OR2A4: variants seen among roughly 807,000 people sequenced by gnomAD.
OR2A4 encodes the protein olfactory receptor 2A4.
For synonymous variants in OR2A4, 71 were observed against 126.7 expected, an observed-to-expected ratio of 0.56 and a Z score of 2.95; for missense variants, 152 against 313.2, an observed-to-expected ratio of 0.49 and a Z score of 3.88.
Position 131,701,249 on chromosome 6 carries a change from G to A in OR2A4, c.153C>T (p.Asp51=). Residue 51 remains aspartate, a synonymous_variant, in exon 1 of 1, where the codon GAC becomes GAT. Transcript: ENST00000315453. ...AGTACATGGGGGCGTGCAGTCTGGA[G>A]TCCAGTGAGATGAGCCCCAGTATGG... ...NGTILGLISL[D]SRLHAPMYFF... is the part of the protein sequence containing the mutation. 20 of 1,444,950 alleles carry A rather than the reference G, an allele frequency of 1.4e-5. No homozygotes were observed. The highest frequency in any genetic ancestry group is 1.9e-5 in the Non-Finnish European group (20 of 1,051,966). The allele number at this position is 1,444,950 out of a possible 1,614,324, so 89.5% of individuals were successfully genotyped here.
rs779149287 is a variant in OR2A4 at position 131,700,671 on chromosome 6, A to C, written c.731T>G (p.Leu244Arg). 1 of 1,559,422 alleles carries C rather than the reference A, an allele frequency of 6.4e-7. No homozygotes were observed. The highest frequency in any genetic ancestry group is 8.6e-7 in the Non-Finnish European group (1 of 1,166,178). Residue 244 changes from leucine to arginine, a missense_variant, in exon 1 of 1, where the codon CTC (leucine) becomes CGC (arginine). Leu to Arg is a moderately radical substitution (Grantham distance 102). Transcript: ENST00000315453. ...GCCATAAACGAGTCCAATCACACAGAGGTGGGAGAAGCAGGTGCGGAAGGC... is the reference window on the plus strand; with the variant it reads ...GCCATAAACGAGTCCAATCACACAGCGGTGGGAGAAGCAGGTGCGGAAGGC... ...RKAFRTCFSH[L>R]CVIGLVYGTA...
rs1227665821 is a variant in OR2A4 at position 131,701,278 on chromosome 6, C to T, written c.124G>A (p.Gly42Arg). Residue 42 changes from glycine (G) to arginine (R), a missense_variant, in exon 1 of 1, where the codon GGG (glycine) becomes AGG (arginine). By Grantham distance (125) the Gly-to-Arg change is moderately radical. Coordinates refer to ENST00000315453, the MANE Select transcript of OR2A4 (RefSeq NM_030908.2). ...LFYVFTLLGN[G>R]TILGLISLDS... is the part of the protein sequence containing the mutation. The stretch of plus-strand genomic sequence containing the variant: ...AGTGAGATGAGCCCCAGTATGGTCC[C>T]GTTCCCCAGCAGGGTGAAGACGTAG... The T allele has an allele frequency of 8.6e-6, 13 of 1,510,112 alleles. No homozygotes were observed. The Admixed American group carries it at 1.4e-4, about 16-fold the overall frequency. 93.5% of individuals were successfully genotyped at this position (1,510,112 alleles called of 1,614,324 possible).
rs371297064 is a variant in OR2A4, at chr6:131,701,385, G to A, written c.17C>T (p.Thr6Ile). ...CAGTAGGAGGAACTCTCTGATGGAT[G>A]TTATATTGTCTCCCATATCCCTATG... is the stretch of plus-strand genomic sequence containing the variant. The part of the protein sequence containing the change: MGDNI[T>I]SIREFLLLGF... The change falls in exon 1 of 1, where the codon ACA (threonine) becomes ATA (isoleucine). Residue 6 changes from threonine (T) to isoleucine (I), a missense_variant. Physicochemically the swap from Thr to Ile is moderately conservative, Grantham distance 89. Transcript: ENST00000315453. 9.0e-5 allele frequency: 145 copies of A among 1,613,860 alleles called. No individual in the cohort carries two copies. Among genetic ancestry groups the A allele is most frequent in the Non-Finnish European group, 1.1e-4 (131 of 1,179,922 alleles).
At position 131,700,332 on chromosome 6, in the gene OR2A4, G is replaced by A; in HGVS notation, c.*137C>T. 3.0e-6 allele frequency: 1 copy of A among 330,480 alleles called. No individual in the cohort carries two copies. The allele number at this position is 330,480 out of a possible 1,614,324, so 20.5% of individuals were successfully genotyped here. On this transcript the variant is annotated 3_prime_UTR_variant, in exon 1 of 1. Transcript: ENST00000315453. ...TCATTTAAAGGTAGGGCAGGAGATA[G>A]CTCCATTTTAAATAAATGTCTCAGA...
In OR2A4 at chr6:131,700,625, A is replaced by C. The variant is rs764913622; in HGVS notation, c.777T>G (p.Val259=). ...LVYGTAIIMY[V]GPRYGNPKEQ... ...CCTTGGGGTTCCCATATCTGGGTCCAACATACATGATAATGGCTGTGCCAT... is the reference window on the plus strand; with the variant it reads ...CCTTGGGGTTCCCATATCTGGGTCCCACATACATGATAATGGCTGTGCCAT... Residue 259 remains valine, a synonymous_variant, in exon 1 of 1, where the codon GTT becomes GTG. Coordinates refer to ENST00000315453, the MANE Select transcript of OR2A4 (RefSeq NM_030908.2). 8 of 1,556,146 alleles carry C rather than the reference A, an allele frequency of 5.1e-6. No individual in the cohort carries two copies. The highest frequency in any genetic ancestry group is 6.0e-6 in the Non-Finnish European group (7 of 1,165,604).
rs763135955 is a variant in OR2A4, at chr6:131,701,309, G to A, written c.93C>T (p.Ser31=). The stretch of plus-strand genomic sequence containing the variant: ...CCAGCAGGGTGAAGACGTAGAACAG[G>A]GAGAAGAGCCCAAAGAGGAGCATCT... The part of the protein sequence containing the change: ...RIQMLLFGLF[S]LFYVFTLLGN... The change falls in exon 1 of 1, where the codon TCC becomes TCT. Residue 31 remains serine (S), a synonymous_variant. Coordinates refer to ENST00000315453, the MANE Select transcript of OR2A4 (RefSeq NM_030908.2). 3.7e-6 allele frequency: 6 copies of A among 1,602,978 alleles called. No homozygotes were observed. In the East Asian group the frequency reaches 1.1e-4, roughly 30 times the overall value.
rs1171693326 is a variant in OR2A4, at chr6:131,699,751, C to CA, written c.*717dup. On this transcript the variant is annotated 3_prime_UTR_variant, in exon 1 of 1. Coordinates refer to ENST00000315453, the MANE Select transcript of OR2A4 (RefSeq NM_030908.2). ...ATGATCTACCATTGAACAGTAGAGA[C>CA]AGGGTCCCTCACGGTCTGTATCCAA... is the stretch of plus-strand genomic sequence containing the variant. 1 of 65,632 alleles carries CA rather than the reference C, an allele frequency of 1.5e-5. No homozygotes were observed. Among genetic ancestry groups the CA allele is most frequent in the East Asian group, 4.6e-4 (1 of 2,188 alleles). The allele number at this position is 65,632 out of a possible 1,614,324, so 4.1% of individuals were successfully genotyped here.
rs1779520883 is a variant in OR2A4, at chr6:131,701,209, G to A, written c.193C>T (p.Leu65=). The A allele has an allele frequency of 4.1e-6, 5 of 1,212,702 alleles. No individual in the cohort carries two copies. The highest frequency in any genetic ancestry group is 5.9e-6 in the Non-Finnish European group (5 of 853,972). 75.1% of individuals were successfully genotyped at this position (1,212,702 alleles called of 1,614,324 possible). A position where few individuals can be genotyped will look rare whatever the true frequency, so the allele number is the denominator to read the frequency against. Residue 65 remains leucine (L), a synonymous_variant, in exon 1 of 1, where the codon CTG becomes TTG. Coordinates refer to ENST00000315453, the MANE Select transcript of OR2A4 (RefSeq NM_030908.2). ...GCGTAGGCGATGTCGACGACCGCCA[G>A]GTGTGAGAGGAAGAAGTACATGGGG... ...HAPMYFFLSH[L]AVVDIAYACN...
rs1396337509 is a variant in OR2A4 at position 131,700,700 on chromosome 6, C to T, written c.702G>A (p.Arg234=). ...ILQIQSREVQ[R]KAFRTCFSHL... ...GGGAGAAGCAGGTGCGGAAGGCTTT[C>T]CTCTGAACTTCCCTTGATTGGATCT... The change falls in exon 1 of 1, where the codon AGG becomes AGA. Residue 234 remains arginine, a synonymous_variant. Coordinates refer to ENST00000315453, the MANE Select transcript of OR2A4 (RefSeq NM_030908.2). 6.4e-7 allele frequency: 1 copy of T among 1,558,744 alleles called. No homozygotes were observed. The highest frequency in any genetic ancestry group is 8.6e-7 in the Non-Finnish European group (1 of 1,165,936).
Position 131,700,365 on chromosome 6 carries a change from C to G in OR2A4, c.*104G>C. 2.5e-6 allele frequency: 1 copy of G among 395,286 alleles called. No individual in the cohort carries two copies. Among genetic ancestry groups the G allele is most frequent in the Non-Finnish European group, 4.1e-6 (1 of 245,488 alleles). The allele number at this position is 395,286 out of a possible 1,614,324, so 24.5% of individuals were successfully genotyped here. A position where few individuals can be genotyped will look rare whatever the true frequency, so the allele number is the denominator to read the frequency against. On this transcript the variant is annotated 3_prime_UTR_variant, in exon 1 of 1. Transcript: ENST00000315453. The stretch of plus-strand genomic sequence containing the variant: ...TTAAATAAATGTCTCAGATAATTCT[C>G]ATGTCCATTGAGGGCAGAGGTCCCA...
rs1331272204 is a variant in OR2A4 at position 131,701,329 on chromosome 6, G to A, written c.73C>T (p.Leu25Phe). 1 of 1,612,670 alleles carries A rather than the reference G, an allele frequency of 6.2e-7. No homozygotes were observed. Among genetic ancestry groups the A allele is most frequent in the Non-Finnish European group, 8.5e-7 (1 of 1,179,556 alleles). The stretch of plus-strand genomic sequence containing the variant: ...AACAGGGAGAAGAGCCCAAAGAGGA[G>A]CATCTGAATCCTTGGGCCAACGGGA... ...GFPVGPRIQM[L>F]LFGLFSLFYV... The change falls in exon 1 of 1, where the codon CTC becomes TTC. Residue 25 changes from leucine (L) to phenylalanine (F), a missense_variant. Physicochemically the swap from Leu to Phe is conservative, Grantham distance 22. Coordinates refer to ENST00000315453, the MANE Select transcript of OR2A4 (RefSeq NM_030908.2).
In OR2A4 at chr6:131,700,668, C is replaced by A. The variant is rs1209645505; in HGVS notation, c.734G>T (p.Cys245Phe). 1.9e-6 allele frequency: 3 copies of A among 1,559,292 alleles called. 1 individual carries two copies. The Admixed American group carries it at 5.6e-5, about 29-fold the overall frequency. Residue 245 changes from cysteine (C) to phenylalanine (F), a missense_variant, in exon 1 of 1, where the codon TGT becomes TTT. Coordinates refer to ENST00000315453, the MANE Select transcript of OR2A4 (RefSeq NM_030908.2). ...TGTGCCATAAACGAGTCCAATCACA[C>A]AGAGGTGGGAGAAGCAGGTGCGGAA... ...KAFRTCFSHL[C>F]VIGLVYGTAI...
Position 131,701,115 on chromosome 6 carries a change from C to A in OR2A4, c.287G>T (p.Arg96Leu). Reference sequence around the variant, plus strand: ...GGAAAACAGAAAGGTCTGCATCATGCGGCCCGCAAAGGAGATGGGCTTGGC... The same window carrying A: ...GGAAAACAGAAAGGTCTGCATCATGAGGCCCGCAAAGGAGATGGGCTTGGC... ...HPAKPISFAGRMMQTFLFSTF... is the reference protein window; with the variant it reads ...HPAKPISFAGLMMQTFLFSTF... Residue 96 changes from arginine (R) to leucine (L), a missense_variant, in exon 1 of 1, where the codon CGC (arginine) becomes CTC (leucine). Transcript: ENST00000315453. 1.6e-6 allele frequency: 1 copy of A among 620,100 alleles called. No individual in the cohort carries two copies. Among genetic ancestry groups the A allele is most frequent in the Non-Finnish European group, 2.7e-6 (1 of 374,644 alleles). The allele number at this position is 620,100 out of a possible 1,614,324, so 38.4% of individuals were successfully genotyped here.
chr6:131,700,554 A>G lies in OR2A4; in HGVS notation c.848T>C (p.Met283Thr). ...AAGACTACAGATAAGGGGATTGAGC[A>G]TGGGATTAAAGAGGCTGTGAAACAG... Reference protein sequence around the residue: ...LLLFHSLFNPMLNPLICSLRN... With the variant: ...LLLFHSLFNPTLNPLICSLRN... Residue 283 changes from methionine (M) to threonine (T), a missense_variant, in exon 1 of 1, where the codon ATG (methionine) becomes ACG (threonine). Coordinates refer to ENST00000315453, the MANE Select transcript of OR2A4 (RefSeq NM_030908.2). 1.4e-6 allele frequency: 2 copies of G among 1,410,864 alleles called. No homozygotes were observed. The highest frequency in any genetic ancestry group is 1.9e-6 in the Non-Finnish European group (2 of 1,055,214). 87.4% of individuals were successfully genotyped at this position (1,410,864 alleles called of 1,614,324 possible).
In OR2A4 at chr6:131,700,599, T is replaced by C. The variant is rs148863975; in HGVS notation, c.803A>G (p.Glu268Gly). The change falls in exon 1 of 1, where the codon GAG (glutamate) becomes GGG (glycine). Residue 268 changes from glutamate to glycine, a missense_variant. By Grantham distance (98) the Glu-to-Gly change is moderately conservative. Transcript: ENST00000315453. ...YVGPRYGNPK[E>G]QKKYLLLFHS... ...AAACAGCAGGAGATATTTCTTCTGCTCCTTGGGGTTCCCATATCTGGGTCC... is the reference window on the plus strand; with the variant it reads ...AAACAGCAGGAGATATTTCTTCTGCCCCTTGGGGTTCCCATATCTGGGTCC... The C allele has an allele frequency of 2.3e-4, 355 of 1,548,298 alleles. 40 individuals carry two copies. Among genetic ancestry groups the C allele is most frequent in the Admixed American group, 4.5e-4 (24 of 52,806 alleles).
In OR2A4 at chr6:131,700,222, G is replaced by T; in HGVS notation, c.*247C>A. 2.2e-5 allele frequency: 3 copies of T among 137,300 alleles called. No individual in the cohort carries two copies. Among genetic ancestry groups the T allele is most frequent in the Non-Finnish European group, 3.5e-5 (3 of 84,802 alleles). 8.5% of individuals were successfully genotyped at this position (137,300 alleles called of 1,614,324 possible). A position where few individuals can be genotyped will look rare whatever the true frequency, so the allele number is the denominator to read the frequency against. Reference sequence around the variant, plus strand: ...TCAAAAGCTAATGAGGATATTGTAAGGGGTATTGTCCTGGTGTGGAGTGGC... The same window carrying T: ...TCAAAAGCTAATGAGGATATTGTAATGGGTATTGTCCTGGTGTGGAGTGGC... On this transcript the variant is annotated 3_prime_UTR_variant, in exon 1 of 1. Coordinates refer to ENST00000315453, the MANE Select transcript of OR2A4 (RefSeq NM_030908.2).
Position 131,701,376 on chromosome 6 carries a change from C to A in OR2A4, c.26G>T (p.Arg9Ile), listed in dbSNP as rs2527384. 2.5e-6 allele frequency: 4 copies of A among 1,613,928 alleles called. No individual in the cohort carries two copies. The highest frequency in any genetic ancestry group is 3.3e-5 in the Admixed American group (2 of 60,002). The change falls in exon 1 of 1, where the codon AGA becomes ATA. Residue 9 changes from arginine to isoleucine, a missense_variant. Transcript: ENST00000315453. Reference protein sequence around the residue: MGDNITSIREFLLLGFPVG... With the variant: MGDNITSIIEFLLLGFPVG... ...GGGAAATCCCAGTAGGAGGAACTCTCTGATGGATGTTATATTGTCTCCCAT... is the reference window on the plus strand; with the variant it reads ...GGGAAATCCCAGTAGGAGGAACTCTATGATGGATGTTATATTGTCTCCCAT...
At position 131,700,280 on chromosome 6, in the gene OR2A4, A is replaced by G; in HGVS notation, c.*189T>C. On this transcript the variant is annotated 3_prime_UTR_variant, in exon 1 of 1. Coordinates refer to ENST00000315453, the MANE Select transcript of OR2A4 (RefSeq NM_030908.2). ...CAACTTGAAGAGATCAATTTCTAGAATTTCATCCCACATCTGCTGAAATCA... is the reference window on the plus strand; with the variant it reads ...CAACTTGAAGAGATCAATTTCTAGAGTTTCATCCCACATCTGCTGAAATCA... 1.3e-5 allele frequency: 3 copies of G among 230,296 alleles called. 1 individual carries two copies. The highest frequency in any genetic ancestry group is 9.2e-5 in the South Asian group (3 of 32,510). 14.3% of individuals were successfully genotyped at this position (230,296 alleles called of 1,614,324 possible). A position where few individuals can be genotyped will look rare whatever the true frequency, so the allele number is the denominator to read the frequency against.
Position 131,701,107 on chromosome 6 carries a change from G to A in OR2A4, c.295C>T (p.Gln99Ter). The change falls in exon 1 of 1, where the codon CAG becomes TAG. Residue 99 changes from glutamine (Q) to a stop codon, truncating the protein, a stop_gained. Transcript: ENST00000315453. LOFTEE classifies it low-confidence loss of function (END_TRUNC). ...KPISFAGRMM[Q>*]TFLFSTFAVT... ...GCAAAAGTGGAAAACAGAAAGGTCT[G>A]CATCATGCGGCCCGCAAAGGAGATG... 1 of 604,810 alleles carries A rather than the reference G, an allele frequency of 1.7e-6. No homozygotes were observed. The highest frequency in any genetic ancestry group is 2.8e-6 in the Non-Finnish European group (1 of 362,968). The allele number at this position is 604,810 out of a possible 1,614,324, so 37.5% of individuals were successfully genotyped here.
Sources: gnomAD v4.1 joint callset for allele counts on GRCh38, gnomAD v4.1.1 for gene constraint, MANE v1.5 for transcripts, NCBI Gene and HGNC (gene_info 2026-07-23, HGNC 2026-07-21) for gene names.